The following SEC23A variants were observed in gnomAD, a reference collection of about 807,000 sequenced individuals.
The protein encoded by SEC23A is protein transport protein Sec23A.
In SEC23A, 56 loss-of-function variants were observed where a neutral mutation model predicts 103.7. The ratio of observed to expected loss-of-function variants is 0.54; its 90% confidence interval spans 0.44 to 0.67. The LOEUF (loss-of-function observed/expected upper bound fraction) is 0.67. Ranked by LOEUF, SEC23A falls within the 30% of genes least tolerant of loss-of-function variation. SEC23A has a pLI of 0.00. For synonymous variants in SEC23A, 281 were observed against 293.0 expected (o/e 0.96, Z 0.42); for missense variants, 784 against 936.4 (o/e 0.84, Z 2.12).
chr14:39,080,167 A>G (rs1197942900), intron 7 of SEC23A, among the ~76,000 whole-genome samples: 2 of 152,228 alleles, frequency 1.3e-5, no homozygotes, highest in Non-Finnish European at 2.9e-5. Flanking sequence ...CGTGAACTGT[A>G]TCTCTCATGC....
intron 13 of SEC23A, among the ~76,000 whole-genome samples, chr14:39,058,291 T>A (rs1886315724): frequency 6.6e-6 from 1 of 151,960 alleles, no homozygotes; most frequent in African/African-American, 2.4e-5. Flanking sequence ...TCTGTATTTT[T>A]TTTTTTTTTT....
chr14:39,077,241 A>AAAG (rs1887063589), intron 7 of SEC23A, among the ~76,000 whole-genome samples: 1 of 148,262 alleles, frequency 6.7e-6, no homozygotes, highest in Admixed American at 6.8e-5. Flanking sequence ...AAAAAAAAAA[A>AAAG]AAAAAAAAAA....
chr14:39,097,725 AAGAT>A (rs1887935459), intron 1 of SEC23A, among the ~76,000 whole-genome samples: 1 of 152,200 alleles, frequency 6.6e-6, no homozygotes, highest in Non-Finnish European at 1.5e-5. Flanking sequence ...CTAATCAAAA[AAGAT>A]TGTGGTTTTT....
rs56125789 is a variant in SEC23A at position 39,096,352 on chromosome 14, G to T, written c.-21-213C>A. 0.079 allele frequency among the ~76,000 whole-genome samples: 12,078 copies of T among 152,018 alleles called. 512 individuals carry two copies. Among genetic ancestry groups the T allele is most frequent in the African/African-American group, 0.12 (4,878 of 41,458 alleles). On this transcript the variant is annotated intron_variant, in intron 1 of 19. Coordinates refer to ENST00000307712, the MANE Select transcript of SEC23A (RefSeq NM_006364.4). ...TCGAGACCAGCCTGACCAACACGAA[G>T]AAACCCCGTCTCTACTAAAAATACA...
chr14:39,040,664 G>A (rs1885607352), intron 18 of SEC23A, 68 bp downstream of exon 18: 1 of 1,583,202 alleles, frequency 6.3e-7, no homozygotes, highest in Non-Finnish European at 8.7e-7. Context: ...AAAATCAGAA[G>A]GCAAGCAGGT....
At chr14:39,085,689 TACACACACACACACACAC>T (rs59136053) in intron 7 of SEC23A, 55 bp downstream of exon 7, 82 of 1,196,402 alleles carry the variant, frequency 6.9e-5, no homozygotes, top group Middle Eastern at 2.2e-4. Context: ...TAATTATATA[TACACACACACACACACAC>T]ACACACACAC....
chr14:39,056,213 G>A (rs1030165543), intron 13 of SEC23A, among the ~76,000 whole-genome samples: 17 of 151,978 alleles, frequency 1.1e-4, no homozygotes, highest in African/African-American at 2.7e-4. Context: ...TTTGTTCAGG[G>A]CCCAGTCTTC....
At chr14:39,054,468 A>T (rs759742054) in intron 14 of SEC23A, among the ~76,000 whole-genome samples, 5 of 152,022 alleles carry the variant, frequency 3.3e-5, no homozygotes, top group Non-Finnish European at 5.9e-5. Context: ...TAATTTTTCT[A>T]CCCCAGTTCA....
chr14:39,068,752 TATTAA>T (rs1416156717), intron 9 of SEC23A, among the ~76,000 whole-genome samples: 2 of 152,170 alleles, frequency 1.3e-5, no homozygotes, highest in Non-Finnish European at 2.9e-5. Flanking sequence ...ATATTTTAAG[TATTAA>T]ACATCAATAA....
At chr14:39,033,464 T>A in intron 19 of SEC23A, 136 bp from the exon 20 acceptor site, 1 of 181,190 alleles carries the variant, frequency 5.5e-6, no homozygotes. Context: ...CTAACTGGCC[T>A]CCGTCCCTGG....
At position 39,033,229 on chromosome 14, in the gene SEC23A, T is replaced by C. The variant is rs749029061; in HGVS notation, c.*10A>G. The C allele has an allele frequency of 6.3e-7, 1 of 1,581,426 alleles. No individual in the cohort carries two copies. Among genetic ancestry groups the C allele is most frequent in the Non-Finnish European group, 8.7e-7 (1 of 1,150,340 alleles). ...TCATCTTCTTAAGTGTCTTTAACAT[T>C]ATTAGCACTTCAAGCAGCACTGGAC... On this transcript the variant is annotated 3_prime_UTR_variant, in exon 20 of 20. Transcript: ENST00000307712.
At chr14:39,054,575 GAT>G (rs72184290) in intron 14 of SEC23A, among the ~76,000 whole-genome samples, 2,170 of 152,174 alleles carry the variant, frequency 0.014, 72 homozygotes, top group African/African-American at 0.049. Context: ...GGGTTGCAGT[GAT>G]CCTCCCGCCT....
rs749085740 is a variant in SEC23A, at chr14:39,091,596, C to A, written c.484G>T (p.Ala162Ser). The change falls in exon 5 of 20, where the codon GCT (alanine) becomes TCT (serine). Residue 162 changes from alanine to serine, a missense_variant. Ala to Ser is a moderately conservative substitution (Grantham distance 99). This residue lies in a region of SEC23A where 683 missense variants were observed against 774.2 expected (regional missense o/e 0.88). Coordinates refer to ENST00000307712, the MANE Select transcript of SEC23A (RefSeq NM_006364.4). ...QMSLSLLPPTALVGLITFGRM... is the reference protein window; with the variant it reads ...QMSLSLLPPTSLVGLITFGRM... ...CCAAAAGTAATAAGTCCAACCAAAG[C>A]TGTAGGTGGTAAAAGACTTAATGAC... 1 of 1,613,952 alleles carries A rather than the reference C, an allele frequency of 6.2e-7. No homozygotes were observed. Among genetic ancestry groups the A allele is most frequent in the South Asian group, 1.1e-5 (1 of 91,084 alleles).
intron 5 of SEC23A, chr14:39,087,717 C>G (rs1055400150): frequency 6.6e-6 from 1 of 152,166 alleles, no homozygotes; most frequent in African/African-American, 2.4e-5. Context: ...TAACAGAAAA[C>G]TGAAGTCTAA....
Position 39,039,017 on chromosome 14 carries a change from C to T in SEC23A, c.2208+14G>A, listed in dbSNP as rs749635842. The T allele has an allele frequency of 9.4e-6, 15 of 1,595,316 alleles. No individual in the cohort carries two copies. The highest frequency in any genetic ancestry group is 1.1e-5 in the Non-Finnish European group (13 of 1,163,082). ...ACAAAGAAATAATTTCCAAGACCTGCTATTTAAACTTACCTGCCCCCAGGC... is the reference window on the plus strand; with the variant it reads ...ACAAAGAAATAATTTCCAAGACCTGTTATTTAAACTTACCTGCCCCCAGGC... On this transcript the variant is annotated intron_variant, in intron 19 of 19. Coordinates refer to ENST00000307712, the MANE Select transcript of SEC23A (RefSeq NM_006364.4).
intron 13 of SEC23A, among the ~76,000 whole-genome samples, chr14:39,059,259 T>G (rs1325531075): frequency 1.9e-5 from 2 of 107,922 alleles, no homozygotes; most frequent in Non-Finnish European, 3.6e-5. Flanking sequence ...TCTAGGCCCC[T>G]AAAGTCATAG....
intron 7 of SEC23A, 111 bp downstream of exon 7, chr14:39,085,651 A>C (rs575759762): frequency 7.3e-7 from 1 of 1,377,590 alleles, no homozygotes; most frequent in Non-Finnish European, 1.0e-6. Context: ...AGGGAGGAAA[A>C]AAAGCACTTT....
At chr14:39,057,092 T>C (rs1003883681) in intron 13 of SEC23A, among the ~76,000 whole-genome samples, 2 of 151,974 alleles carry the variant, frequency 1.3e-5, no homozygotes, top group African/African-American at 4.8e-5. Context: ...GGCAGGCAGA[T>C]TGCTTGAGCT....
intron 1 of SEC23A, among the ~76,000 whole-genome samples, chr14:39,102,149 T>C (rs192697350): frequency 6.6e-6 from 1 of 151,942 alleles, no homozygotes; most frequent in Admixed American, 6.6e-5. Context: ...GGAGAATCGC[T>C]TGAACCAGGG....
Sources: allele counts gnomAD v4.1 joint callset (sites outside exome capture counted in the v4.1 genomes callset), GRCh38; gene constraint gnomAD v4.1.1; regional missense constraint gnomAD v4.1.1; transcripts MANE v1.5; gene names NCBI Gene and HGNC (gene_info 2026-07-23, HGNC 2026-07-21).